SULF1: variants seen among roughly 807,000 people sequenced by gnomAD.
The protein encoded by SULF1 is extracellular sulfatase Sulf-1.
Under a neutral mutation model 110.5 loss-of-function variants are expected in SULF1, and 46 were observed. The ratio of observed to expected loss-of-function variants is 0.42; its 90% CI spans 0.33 to 0.53. The LOEUF (loss-of-function observed/expected upper bound fraction) is 0.53. Ranked by LOEUF, SULF1 falls within the 20% of genes least tolerant of loss-of-function variation. The pLI, the probability that SULF1 is intolerant of heterozygous loss-of-function variation, is 0.12. For missense variants in SULF1, 941 were observed against 1,094.2 expected, an observed-to-expected ratio of 0.86 and a Z score of 1.98; for synonymous variants, 371 against 387.1, an observed-to-expected ratio of 0.96 and a Z score of 0.49.
Position 69,601,799 on chromosome 8 carries a change from T to C in SULF1, c.1031T>C (p.Ile344Thr), listed in dbSNP as rs754315651. The C allele has an allele frequency of 6.2e-7, 1 of 1,611,128 alleles. No homozygotes were observed. The highest frequency in any genetic ancestry group is 1.1e-5 in the South Asian group (1 of 90,230). Reference sequence around the variant, plus strand: ...TTTGATATTCGTGTGCCTTTTTTTATTCGTGGTCCAAGTGTAGAACCAGGA... The same window carrying C: ...TTTGATATTCGTGTGCCTTTTTTTACTCGTGGTCCAAGTGTAGAACCAGGA... ...YDFDIRVPFF[I>T]RGPSVEPGSI... is the part of the protein sequence containing the mutation. The change falls in exon 10 of 23, where the codon ATT becomes ACT. Residue 344 changes from isoleucine (I) to threonine (T), a missense_variant. Around this residue, in one of 3 missense-constraint regions of SULF1, gnomAD observed 822 missense variants for 934.3 expected, o/e 0.88. Coordinates refer to ENST00000402687, the MANE Select transcript of SULF1 (RefSeq NM_001128205.2).
At chr8:69,591,293 G>A (rs973590609) in intron 8 of SULF1, among the ~76,000 whole-genome samples, 10 of 152,162 alleles carry the variant, frequency 6.6e-5, no homozygotes, top group East Asian at 1.9e-4. Context: ...GGTGGCTCAC[G>A]CCTGTAATCT....
At chr8:69,566,392 T>C (rs1463990095) in intron 5 of SULF1, among the ~76,000 whole-genome samples, 1 of 152,234 alleles carries the variant, frequency 6.6e-6, no homozygotes, top group East Asian at 1.9e-4. Flanking sequence ...AGTTCATTTA[T>C]TCATCCAGTA....
intron 1 of SULF1, among the ~76,000 whole-genome samples, chr8:69,470,048 C>CAA (rs113433043): frequency 1.8e-4 from 27 of 151,386 alleles, no homozygotes; most frequent in African/African-American, 6.3e-4. Context: ...GTCTAAAAAA[C>CAA]AAAAAAAACC....
chr8:69,533,309 C>A (rs867418916), intron 3 of SULF1, among the ~76,000 whole-genome samples: 5 of 152,292 alleles, frequency 3.3e-5, no homozygotes, highest in Middle Eastern at 3.4e-3. Context: ...CACAGGTACA[C>A]ATGTGCCATG....
chr8:69,585,078 C>T (rs1446397794), intron 6 of SULF1, among the ~76,000 whole-genome samples: 6 of 152,152 alleles, frequency 3.9e-5, no homozygotes, highest in Non-Finnish European at 8.8e-5. Flanking sequence ...ACATGGAAGG[C>T]GTCTGGCAAC....
intron 18 of SULF1, among the ~76,000 whole-genome samples, chr8:69,628,689 C>A (rs938052478): frequency 3.9e-5 from 6 of 151,972 alleles, no homozygotes; most frequent in African/African-American, 1.5e-4. Flanking sequence ...ATTTAAACTT[C>A]AACAAAGTTT....
At chr8:69,556,631 A>C (rs1013463060) in intron 3 of SULF1, among the ~76,000 whole-genome samples, 1 of 152,238 alleles carries the variant, frequency 6.6e-6, no homozygotes, top group Non-Finnish European at 1.5e-5. Flanking sequence ...ATAAAACCAA[A>C]GGCAAATTTA....
At chr8:69,626,229 G>A (rs1810013574) in intron 15 of SULF1, among the ~76,000 whole-genome samples, 1 of 45,826 alleles carries the variant, frequency 2.2e-5, no homozygotes. Context: ...GTGCTGATTG[G>A]TGTGTTTACA....
chr8:69,561,787 A>G (rs1010010475), intron 3 of SULF1, among the ~76,000 whole-genome samples: 4 of 152,206 alleles, frequency 2.6e-5, no homozygotes, highest in Non-Finnish European at 5.9e-5. Flanking sequence ...TTCTGTATTT[A>G]ACTATTTAGC....
intron 3 of SULF1, among the ~76,000 whole-genome samples, chr8:69,539,546 C>G (rs1813716690): frequency 6.6e-6 from 1 of 152,158 alleles, no homozygotes; most frequent in Non-Finnish European, 1.5e-5. Flanking sequence ...AAGAAATACC[C>G]ATAGAAGAGA....
chr8:69,496,729 C>T (rs1020322774), intron 2 of SULF1, among the ~76,000 whole-genome samples: 1 of 152,212 alleles, frequency 6.6e-6, no homozygotes, highest in Non-Finnish European at 1.5e-5. Context: ...AAGTACTACA[C>T]CCTCACAATC....
At chr8:69,502,680 C>CTTTTTCTTTTTTTT (rs1810891444) in intron 3 of SULF1, among the ~76,000 whole-genome samples, 1 of 116,460 alleles carries the variant, frequency 8.6e-6, no homozygotes, top group Non-Finnish European at 1.8e-5. Flanking sequence ...TTTTCTTTTT[C>CTTTTTCTTTTTTTT]TTTTTTTTTC....
intron 13 of SULF1, among the ~76,000 whole-genome samples, chr8:69,615,854 A>G (rs1039639854): frequency 2.0e-5 from 3 of 152,108 alleles, no homozygotes; most frequent in Admixed American, 6.5e-5. Flanking sequence ...TTTGTGTTCT[A>G]CAGGAATCTA....
upstream of SULF1, among the ~76,000 whole-genome samples, chr8:69,491,737 T>C (rs1016028688): frequency 2.6e-5 from 4 of 152,242 alleles, no homozygotes; most frequent in African/African-American, 9.6e-5. Flanking sequence ...TCTGGTCAGC[T>C]GTCAGTTTCA....
At chr8:69,634,763 CGG>C (rs1810847174) in intron 19 of SULF1, among the ~76,000 whole-genome samples, 1 of 151,780 alleles carries the variant, frequency 6.6e-6, no homozygotes, top group African/African-American at 2.4e-5. Flanking sequence ...GAGAGAGAGG[CGG>C]AGAGAATAAA....
chr8:69,584,300 C>T (rs1806289729), intron 6 of SULF1, among the ~76,000 whole-genome samples: 1 of 152,144 alleles, frequency 6.6e-6, no homozygotes, highest in South Asian at 2.1e-4. Flanking sequence ...CAAGGCAGAC[C>T]TGATAGGAGG....
chr8:69,528,178 CAGGGA>C (rs1242457552), intron 3 of SULF1, among the ~76,000 whole-genome samples: 1 of 152,144 alleles, frequency 6.6e-6, no homozygotes, highest in African/African-American at 2.4e-5. Context: ...TTCAGAGTTT[CAGGGA>C]GATTTTGATG....
rs541805366 is a variant in SULF1 at position 69,624,287 on chromosome 8, G to A, written c.1850+90G>A. The A allele has an allele frequency of 2.7e-5, 39 of 1,431,764 alleles. No individual in the cohort carries two copies. In the South Asian group the frequency reaches 5.7e-4, roughly 21 times the overall value. The allele number at this position is 1,431,764 out of a possible 1,614,324, so 88.7% of individuals were successfully genotyped here. On this transcript the variant is annotated intron_variant, in intron 15 of 22. Transcript: ENST00000402687. ...TCACCATTTTGCACTTGGCAAAAAA[G>A]CAGTATCACTTGGCAATACAGTGCC...
upstream of SULF1, chr8:69,492,714 A>T (rs1194910340): frequency 2.6e-5 from 4 of 152,234 alleles, no homozygotes; most frequent in Non-Finnish European, 5.9e-5. Context: ...ATTCACCCTT[A>T]GTGTAACTTC....
Sources: allele counts gnomAD v4.1 joint callset (sites outside exome capture counted in the v4.1 genomes callset), GRCh38; gene constraint gnomAD v4.1.1; regional missense constraint gnomAD v4.1.1; transcripts MANE v1.5; gene names NCBI Gene and HGNC (gene_info 2026-07-23, HGNC 2026-07-21).